The following SAMD12 variants were observed in gnomAD, a reference collection of about 807,000 sequenced individuals.
The protein encoded by SAMD12 is sterile alpha motif domain-containing protein 12.
Under a neutral mutation model 15.0 loss-of-function variants are expected in SAMD12, and 9 were observed. The observed-to-expected ratio is 0.60, with a 90% CI of 0.36 to 1.05. The LOEUF is 1.05. Among genes scored for constraint, SAMD12 ranks in the 50% least tolerant of loss-of-function variants. SAMD12 has a pLI of 0.01. For missense variants in SAMD12, 230 were observed against 234.2 expected (o/e 0.98, Z 0.12); for synonymous variants, 86 against 90.1 (o/e 0.96, Z 0.25).
chr8:118,308,197 G>A (rs1053780529), intron 4 of SAMD12, among the ~76,000 whole-genome samples: 9 of 152,036 alleles, frequency 5.9e-5, no homozygotes, highest in East Asian at 1.9e-4. Context: ...TCATTTGAGC[G>A]TTCCATTTGT....
At chr8:118,163,736 G>A in the SAMD12 span, among the ~76,000 whole-genome samples, 7 of 152,268 alleles carry the variant, frequency 4.6e-5, no homozygotes, top group Non-Finnish European at 7.3e-5. Context: ...TTAGCCAGGC[G>A]CGGTGGCGGG....
At chr8:118,377,011 CTT>C (rs1819421660), downstream of SAMD12, among the ~76,000 whole-genome samples, 2 of 151,986 alleles carry the variant, frequency 1.3e-5, no homozygotes, top group African/African-American at 2.4e-5. Context: ...ATAAAAACAA[CTT>C]ATCAATTTTG....
intron 4 of SAMD12, among the ~76,000 whole-genome samples, chr8:118,253,661 C>T (rs1027821119): frequency 6.6e-6 from 1 of 152,086 alleles, no homozygotes; most frequent in Non-Finnish European, 1.5e-5. Flanking sequence ...CTGTGCTCAG[C>T]ACGATCTCTG....
chr8:118,411,379 T>C (rs1257828568), intron 3 of SAMD12, among the ~76,000 whole-genome samples: 3 of 152,210 alleles, frequency 2.0e-5, no homozygotes, highest in Non-Finnish European at 4.4e-5. Flanking sequence ...TCCAGGATGC[T>C]GTGAGAATGA....
At chr8:118,595,452 A>T (rs879669483) in intron 1 of SAMD12, among the ~76,000 whole-genome samples, 29 of 152,368 alleles carry the variant, frequency 1.9e-4, no homozygotes, top group Admixed American at 1.8e-3. Flanking sequence ...GTCAGTTCTC[A>T]ATATGACAGC....
chr8:118,291,139 GTGTT>G (rs1212548076), intron 4 of SAMD12: 2 of 152,146 alleles, frequency 1.3e-5, no homozygotes, highest in East Asian at 3.8e-4. Flanking sequence ...GTGTTTCACT[GTGTT>G]TATTTTTAGG....
intron 2 of SAMD12, among the ~76,000 whole-genome samples, chr8:118,445,921 T>C (rs1296877718): frequency 6.6e-6 from 1 of 152,200 alleles, no homozygotes; most frequent in African/African-American, 2.4e-5. Flanking sequence ...TCTTCTTTAC[T>C]GGGAATTGTA....
At chr8:118,272,574 T>C (rs1053502339) in intron 4 of SAMD12, among the ~76,000 whole-genome samples, 6 of 152,334 alleles carry the variant, frequency 3.9e-5, no homozygotes, top group African/African-American at 1.2e-4. Flanking sequence ...TGTTGCATCG[T>C]CATGCTGCAA....
the SAMD12 span, among the ~76,000 whole-genome samples, chr8:118,162,586 G>T: frequency 6.6e-6 from 1 of 152,258 alleles, no homozygotes; most frequent in East Asian, 1.9e-4. Context: ...CCAACAGACA[G>T]ATGAAATCTA....
At chr8:118,331,633 A>G (rs541989738) in intron 4 of SAMD12, among the ~76,000 whole-genome samples, 109 of 152,348 alleles carry the variant, frequency 7.2e-4, no homozygotes, top group African/African-American at 2.2e-3. Flanking sequence ...AATGTTCTCC[A>G]TGATAACTGA....
rs1313612999 is a variant in SAMD12, at chr8:118,212,559, T to G, written c.434-14827A>C. ...TCATCTACTTGTAATAACTTTCTAT[T>G]TGAGGTAGTGCAAAGCTCAGTTTGC... is the stretch of plus-strand genomic sequence containing the variant. On this transcript the variant is annotated intron_variant, in intron 4 of 4. Transcript: ENST00000409003. 3.9e-5 allele frequency among the ~76,000 whole-genome samples: 6 copies of G among 152,218 alleles called. No homozygotes were observed. The South Asian group carries it at 8.3e-4, about 21-fold the overall frequency.
intron 2 of SAMD12, among the ~76,000 whole-genome samples, chr8:118,447,381 C>G (rs937623415): frequency 1.3e-5 from 2 of 151,986 alleles, no homozygotes; most frequent in African/African-American, 4.8e-5. Context: ...CAGCTCACTG[C>G]AACCTCTTCC....
chr8:118,568,952 G>T (rs1401053805), intron 2 of SAMD12, among the ~76,000 whole-genome samples: 1 of 151,948 alleles, frequency 6.6e-6, no homozygotes, highest in African/African-American at 2.4e-5. Flanking sequence ...AATTCTGCTT[G>T]GTATAATTTT....
rs889945928 is a variant in SAMD12, at chr8:118,500,622, A to G, written c.193-60661T>C. On this transcript the variant is annotated intron_variant, in intron 2 of 3. Coordinates refer to ENST00000314727, the MANE Select transcript of SAMD12 (RefSeq NM_207506.3). Reference sequence around the variant, plus strand: ...GGAGTTCAAGGCCAGCCCGGTTACCATATTGAAACACCGTCTCTACTAAAA... The same window carrying G: ...GGAGTTCAAGGCCAGCCCGGTTACCGTATTGAAACACCGTCTCTACTAAAA... Among the ~76,000 whole-genome samples the G allele has an allele frequency of 5.3e-5, 8 of 152,054 alleles. No homozygotes were observed. In the East Asian group the frequency reaches 1.2e-3, roughly 22 times the overall value.
At chr8:118,506,206 C>T (rs921382400) in intron 2 of SAMD12, among the ~76,000 whole-genome samples, 2 of 152,218 alleles carry the variant, frequency 1.3e-5, no homozygotes, top group African/African-American at 4.8e-5. Flanking sequence ...AAACTCCTAA[C>T]TCCTTATCTA....
At chr8:118,235,561 G>A (rs148633494) in intron 4 of SAMD12, among the ~76,000 whole-genome samples, 202 of 152,242 alleles carry the variant, frequency 1.3e-3, no homozygotes, top group African/African-American at 4.6e-3. Flanking sequence ...AGGAGGAGTC[G>A]TTTTCATCAT....
At chr8:118,341,962 C>T (rs1817387680) in intron 4 of SAMD12, among the ~76,000 whole-genome samples, 1 of 152,234 alleles carries the variant, frequency 6.6e-6, no homozygotes, top group Non-Finnish European at 1.5e-5. Flanking sequence ...ATTGTGTACT[C>T]TCTGCTTAAA....
rs1009765720 is a variant in SAMD12, at chr8:118,378,539, C to T, written c.*878G>A. ...CATCTTTCAGGGAGCACATTATTTCCTCTAGGCAAATGGACTATTACTAGG... is the reference window on the plus strand; with the variant it reads ...CATCTTTCAGGGAGCACATTATTTCTTCTAGGCAAATGGACTATTACTAGG... On this transcript the variant is annotated 3_prime_UTR_variant, in exon 4 of 4. Transcript: ENST00000314727. The T allele has an allele frequency of 2.3e-5, 23 of 984,792 alleles. No homozygotes were observed. Among genetic ancestry groups the T allele is most frequent in the Non-Finnish European group, 2.8e-5 (23 of 829,534 alleles). The allele number at this position is 984,792 out of a possible 1,614,324, so 61.0% of individuals were successfully genotyped here.
At chr8:118,290,657 T>A (rs528224000) in intron 4 of SAMD12, among the ~76,000 whole-genome samples, 17 of 152,232 alleles carry the variant, frequency 1.1e-4, no homozygotes, top group Non-Finnish European at 2.1e-4. Flanking sequence ...TCAGGGATCA[T>A]GTTTCTACTT....
Sources: allele counts gnomAD v4.1 joint callset (sites outside exome capture counted in the v4.1 genomes callset), GRCh38; gene constraint gnomAD v4.1.1; transcripts MANE v1.5; gene names NCBI Gene and HGNC (gene_info 2026-07-23, HGNC 2026-07-21).